Variants in NSUN6 observed in about 807,000 individuals in gnomAD.
The protein encoded by NSUN6 is NOP2/Sun RNA methyltransferase 6.
NSUN6 carries 64 observed loss-of-function variants against 58.0 expected under a neutral mutation model. The ratio of observed to expected loss-of-function variants is 1.10; its 90% CI spans 0.90 to 1.36. The LOEUF (loss-of-function observed/expected upper bound fraction) is 1.36, where lower values mean the gene tolerates loss of function less well. NSUN6 is among the 40% of genes most tolerant of loss of function. The pLI, the probability that NSUN6 is intolerant of heterozygous loss-of-function variation, is 0.00. For synonymous variants in NSUN6, 231 were observed against 193.9 expected (o/e 1.19, Z -1.59); for missense variants, 701 against 550.1 (o/e 1.27, Z -2.74).
rs773742633 is a variant in NSUN6, at chr10:18,586,047, A to AT, written c.823dup (p.Ile275AsnfsTer19). The stretch of plus-strand genomic sequence containing the variant: ...CCCTAACAATAAGGCATTCTGTTTG[A>AT]TTTTTTCTACTTTGTTGAAGATTTT... On this transcript the variant is annotated frameshift_variant, in exon 8 of 11. Coordinates refer to ENST00000377304, the MANE Select transcript of NSUN6 (RefSeq NM_182543.5). LOFTEE classifies it high-confidence loss of function. 1.9e-5 allele frequency: 31 copies of AT among 1,610,086 alleles called. No homozygotes were observed. Among genetic ancestry groups the AT allele is most frequent in the South Asian group, 8.9e-5 (8 of 90,222 alleles).
intron 3 of NSUN6, among the ~76,000 whole-genome samples, chr10:18,636,053 A>G (rs1590161473): frequency 6.6e-6 from 1 of 151,770 alleles, no homozygotes; most frequent in Middle Eastern, 3.4e-3. Context: ...GGTTATAAAA[A>G]CAATGTCTAC....
intron 3 of NSUN6, among the ~76,000 whole-genome samples, chr10:18,623,173 CATTTT>C (rs1486559659): frequency 6.6e-6 from 1 of 152,108 alleles, no homozygotes; most frequent in African/African-American, 2.4e-5. Flanking sequence ...TTTTACATCT[CATTTT>C]AAGTAAAGTG....
intron 6 of NSUN6, among the ~76,000 whole-genome samples, chr10:18,602,056 A>T (rs2057863596): frequency 6.6e-6 from 1 of 151,012 alleles, no homozygotes; most frequent in African/African-American, 2.4e-5. Flanking sequence ...CTTCCTGGTA[A>T]TGGTGGGGTT....
intron 3 of NSUN6, among the ~76,000 whole-genome samples, chr10:18,622,073 C>A (rs1457426625): frequency 1.3e-5 from 2 of 151,814 alleles, no homozygotes; most frequent in Admixed American, 6.6e-5. Context: ...CACACACACA[C>A]AAAAATTGAA....
intron 8 of NSUN6, among the ~76,000 whole-genome samples, chr10:18,576,788 T>C (rs1589927870): frequency 6.6e-6 from 1 of 152,290 alleles, no homozygotes; most frequent in Middle Eastern, 3.4e-3. Context: ...GTGGTGGTAT[T>C]GTGGTAGACC....
intron 8 of NSUN6, among the ~76,000 whole-genome samples, chr10:18,564,924 C>CTCCAT (rs965121449): frequency 2.0e-5 from 3 of 150,888 alleles, no homozygotes; most frequent in Admixed American, 6.6e-5. Context: ...CCATTCCATT[C>CTCCAT]TCCATTCCAT....
At chr10:18,598,280 C>T (rs974505309) in intron 6 of NSUN6, among the ~76,000 whole-genome samples, 1 of 152,208 alleles carries the variant, frequency 6.6e-6, no homozygotes, top group Non-Finnish European at 1.5e-5. Flanking sequence ...AATCCCATCA[C>T]CCTTTGCTGA....
chr10:18,548,277 C>T (rs753253416), intron 9 of NSUN6, 40 bp from the exon 10 acceptor site: 10 of 1,551,060 alleles, frequency 6.4e-6, no homozygotes, highest in Admixed American at 1.9e-5. Context: ...AGCACAAGAC[C>T]AGATAAACAT....
intron 3 of NSUN6, among the ~76,000 whole-genome samples, chr10:18,640,872 A>C (rs565299033): frequency 2.0e-5 from 3 of 151,838 alleles, no homozygotes; most frequent in East Asian, 3.9e-4. Flanking sequence ...AAAAAAAAAA[A>C]CAAAAATATT....
rs186319536 is a variant in NSUN6 at position 18,603,629 on chromosome 10, C to A, written c.657+6216G>T. Among the ~76,000 whole-genome samples, 210 of 151,982 alleles carry A rather than the reference C, an allele frequency of 1.4e-3. 1 individual carries two copies. The highest frequency in any genetic ancestry group is 6.8e-3 in the Middle Eastern group (2 of 294). On this transcript the variant is annotated intron_variant, in intron 6 of 10. Coordinates refer to ENST00000377304, the MANE Select transcript of NSUN6 (RefSeq NM_182543.5). ...GGGATTACAGGCACCGCCACCATGC[C>A]CAGCTGATTTTGTGTGTGTGTATTT... is the stretch of plus-strand genomic sequence containing the variant.
intron 8 of NSUN6, among the ~76,000 whole-genome samples, chr10:18,555,615 G>C (rs1439715643): frequency 6.7e-6 from 1 of 149,984 alleles, no homozygotes; most frequent in Non-Finnish European, 1.5e-5. Context: ...ATGGAATAGA[G>C]AATGGAATGG....
chr10:18,581,064 G>A (rs1052122944), intron 8 of NSUN6, among the ~76,000 whole-genome samples: 1 of 152,152 alleles, frequency 6.6e-6, no homozygotes, highest in Non-Finnish European at 1.5e-5. Flanking sequence ...ACATACTTCT[G>A]GGGTCTGGCG....
intron 6 of NSUN6, among the ~76,000 whole-genome samples, chr10:18,606,078 A>G (rs983534648): frequency 1.3e-5 from 2 of 152,212 alleles, no homozygotes; most frequent in Admixed American, 6.5e-5. Flanking sequence ...TGCATAATAA[A>G]TATTTTAAAA....
At chr10:18,636,088 G>A (rs550988249) in intron 3 of NSUN6, among the ~76,000 whole-genome samples, 61 of 151,814 alleles carry the variant, frequency 4.0e-4, no homozygotes, top group African/African-American at 1.4e-3. Flanking sequence ...AATACTATGT[G>A]GCCTGAACAA....
chr10:18,651,695 C>G, upstream of NSUN6: 1 of 985,882 alleles, frequency 1.0e-6, no homozygotes, highest in Non-Finnish European at 1.2e-6. Context: ...CAATCCACAG[C>G]CGCAAGTTTC....
At chr10:18,590,245 C>A (rs1014964117) in intron 7 of NSUN6, among the ~76,000 whole-genome samples, 1 of 152,086 alleles carries the variant, frequency 6.6e-6, no homozygotes, top group Non-Finnish European at 1.5e-5. Context: ...ACAGGAGCAC[C>A]CAGATTCATA....
intron 3 of NSUN6, among the ~76,000 whole-genome samples, chr10:18,625,571 G>C (rs756968136): frequency 6.6e-6 from 1 of 151,710 alleles, no homozygotes; most frequent in African/African-American, 2.4e-5. Context: ...AAGTCAGCCG[G>C]GTATGGTGGT....
upstream of NSUN6, chr10:18,651,736 C>T: frequency 2.0e-6 from 2 of 985,652 alleles, no homozygotes; most frequent in Non-Finnish European, 2.4e-6. Context: ...CGCCACGCCC[C>T]CGGAGGTTCC....
In NSUN6 at chr10:18,545,923, C is replaced by T. The variant is rs375527948; in HGVS notation, c.*10G>A. On this transcript the variant is annotated 3_prime_UTR_variant, in exon 11 of 11. Coordinates refer to ENST00000377304, the MANE Select transcript of NSUN6 (RefSeq NM_182543.5). ...TTTGGAATTTTCATTTCTGAGCATCCATCCCTCTCCTATGTGCTTTTGCAT... is the reference window on the plus strand; with the variant it reads ...TTTGGAATTTTCATTTCTGAGCATCTATCCCTCTCCTATGTGCTTTTGCAT... The T allele has an allele frequency of 1.3e-4, 178 of 1,397,672 alleles. No individual in the cohort carries two copies. The highest frequency in any genetic ancestry group is 1.6e-4 in the Non-Finnish European group (163 of 1,000,178). The allele number at this position is 1,397,672 out of a possible 1,614,324, so 86.6% of individuals were successfully genotyped here. A position where few individuals can be genotyped will look rare whatever the true frequency, so the allele number is the denominator to read the frequency against.
Sources: gnomAD v4.1 joint callset for allele counts (sites outside exome capture counted in the v4.1 genomes callset) on GRCh38, gnomAD v4.1.1 for gene constraint, MANE v1.5 for transcripts, NCBI Gene and HGNC (gene_info 2026-07-23, HGNC 2026-07-21) for gene names.